The following PTPRK variants were observed in gnomAD, a reference collection of about 807,000 sequenced individuals.
PTPRK encodes receptor-type tyrosine-protein phosphatase kappa.
In PTPRK, 75 loss-of-function variants were observed where a neutral mutation model predicts 178.0. The observed-to-expected ratio is 0.42, with a 90% CI of 0.35 to 0.51. The LOEUF (loss-of-function observed/expected upper bound fraction) is 0.51, where lower values mean the gene tolerates loss of function less well. PTPRK is among the 20% of genes least tolerant of loss of function. PTPRK has a pLI of 0.02. For synonymous variants in PTPRK, 637 were observed against 620.6 expected (o/e 1.03, Z -0.39); for missense variants, 1,441 against 1,797.8 (o/e 0.80, Z 3.59).
At chr6:128,269,104 G>GCATA (rs1178894320) in intron 3 of PTPRK, among the ~76,000 whole-genome samples, 6 of 151,846 alleles carry the variant, frequency 4.0e-5, no homozygotes, top group Non-Finnish European at 7.4e-5. Context: ...ACAACACATA[G>GCATA]CATAAATCAA....
intron 13 of PTPRK, among the ~76,000 whole-genome samples, chr6:128,011,742 T>C (rs562675345): frequency 5.3e-5 from 8 of 151,230 alleles, no homozygotes; most frequent in Non-Finnish European, 8.9e-5. Context: ...GTAATATAGA[T>C]AGGTTAATGA....
At chr6:128,043,805 CT>C (rs34915940) in intron 13 of PTPRK, among the ~76,000 whole-genome samples, 3 of 150,578 alleles carry the variant, frequency 2.0e-5, no homozygotes, top group African/African-American at 7.3e-5. Context: ...TAGAAGAAAA[CT>C]TTTTTTTTAC....
intron 7 of PTPRK, among the ~76,000 whole-genome samples, chr6:128,113,124 C>T (rs1323102257): frequency 3.3e-5 from 5 of 152,052 alleles, no homozygotes; most frequent in Non-Finnish European, 5.9e-5. Flanking sequence ...CTAATCTCTT[C>T]GCCTCCAGTT....
intron 2 of PTPRK, among the ~76,000 whole-genome samples, chr6:128,377,199 CGTT>C (rs1028893092): frequency 1.3e-5 from 2 of 152,068 alleles, no homozygotes; most frequent in African/African-American, 4.8e-5. Context: ...ACGTACCTGA[CGTT>C]GGGTAATTTA....
chr6:128,222,532 C>G (rs544269946), intron 5 of PTPRK, among the ~76,000 whole-genome samples: 1 of 152,314 alleles, frequency 6.6e-6, no homozygotes, highest in South Asian at 2.1e-4. Flanking sequence ...TCAGTGATCC[C>G]CAACAGCCTC....
rs1388273637 is a variant in PTPRK at position 128,096,708 on chromosome 6, C to G, written c.1163-6716G>C. ...ACAGGAGCTTCGTGCTCCTGGCTGC[C>G]TTTTCATCAGAAATCTTAGAAGCTG... On this transcript the variant is annotated intron_variant, in intron 7 of 29. Transcript: ENST00000368226. Among the ~76,000 whole-genome samples, 7 of 152,134 alleles carry G rather than the reference C, an allele frequency of 4.6e-5. No homozygotes were observed. In the South Asian group the frequency reaches 8.3e-4, roughly 18 times the overall value.
chr6:128,257,580 C>T (rs1006645792), intron 3 of PTPRK, among the ~76,000 whole-genome samples: 1 of 152,068 alleles, frequency 6.6e-6, no homozygotes, highest in East Asian at 1.9e-4. Flanking sequence ...TATTAACATA[C>T]ATATTTATGG....
Position 127,992,707 on chromosome 6 carries a change from G to T in PTPRK, c.2847C>A (p.Gly949=). Reference sequence around the variant, plus strand: ...CAATGTAATGACTTGGTCTCTGGTAGCCCTAAAATAAGAGAACAAATTAGT... The same window carrying T: ...CAATGTAATGACTTGGTCTCTGGTATCCCTAAAATAAGAGAACAAATTAGT... The part of the protein sequence containing the change: ...SDYINANYID[G]YQRPSHYIAT... The change falls in exon 19 of 30, where the codon GGC becomes GGA. Residue 949 remains glycine (G), a splice_region_variant and synonymous_variant. Coordinates refer to ENST00000368226, the MANE Select transcript of PTPRK (RefSeq NM_002844.4). 1 of 1,575,490 alleles carries T rather than the reference G, an allele frequency of 6.3e-7. No homozygotes were observed. The highest frequency in any genetic ancestry group is 1.2e-5 in the South Asian group (1 of 82,810).
chr6:128,321,464 T>A (rs981997521), intron 3 of PTPRK: 1 of 255,290 alleles, frequency 3.9e-6, no homozygotes, highest in East Asian at 1.2e-4. Context: ...GAAACAAACA[T>A]CCAAAGCTTT....
At chr6:128,241,326 G>A (rs1229897143) in intron 4 of PTPRK, 1 of 532,700 alleles carries the variant, frequency 1.9e-6, no homozygotes, top group African/African-American at 1.9e-5. Flanking sequence ...AGCTGCACTG[G>A]AATCAGAAAT....
chr6:128,001,174 G>C (rs763364530), intron 15 of PTPRK: 1 of 1,508,408 alleles, frequency 6.6e-7, no homozygotes, highest in Non-Finnish European at 8.9e-7. Flanking sequence ...AGGTTTTCTA[G>C]AGTTCTTTGC....
chr6:128,024,073 A>G (rs975068586), intron 13 of PTPRK, among the ~76,000 whole-genome samples: 1 of 152,200 alleles, frequency 6.6e-6, no homozygotes, highest in Non-Finnish European at 1.5e-5. Context: ...CCAAACAGGC[A>G]TTTAACATAC....
intron 7 of PTPRK, among the ~76,000 whole-genome samples, chr6:128,092,738 C>A (rs1787204375): frequency 6.6e-6 from 1 of 152,070 alleles, no homozygotes; most frequent in Admixed American, 6.5e-5. Context: ...AAAATCCATT[C>A]AAAGAAATTT....
At chr6:128,352,668 C>G (rs1833356794) in intron 2 of PTPRK, among the ~76,000 whole-genome samples, 1 of 152,198 alleles carries the variant, frequency 6.6e-6, no homozygotes. Context: ...TCCCCTCTGT[C>G]TCTGCCTGGA....
chr6:128,352,462 C>T (rs1253756774), intron 2 of PTPRK, among the ~76,000 whole-genome samples: 1 of 151,914 alleles, frequency 6.6e-6, no homozygotes, highest in African/African-American at 2.4e-5. Context: ...TCTTCCTTGG[C>T]CCTAGTATAA....
intron 1 of PTPRK, among the ~76,000 whole-genome samples, chr6:128,432,548 G>A (rs185375540): frequency 2.7e-4 from 41 of 152,302 alleles, no homozygotes; most frequent in Non-Finnish European, 4.9e-4. Flanking sequence ...CAGCTCTGAT[G>A]TGAATCATAC....
At chr6:128,070,196 T>C (rs9321110) in intron 11 of PTPRK, among the ~76,000 whole-genome samples, 114,344 of 151,870 alleles carry the variant, frequency 0.75, 45,477 homozygotes, top group South Asian at 0.97. Context: ...TGAAGTATTA[T>C]ATTTCTGTTA....
intron 6 of PTPRK, among the ~76,000 whole-genome samples, chr6:128,205,830 G>GGA (rs1806859781): frequency 6.8e-6 from 1 of 146,360 alleles, no homozygotes; most frequent in South Asian, 2.2e-4. Flanking sequence ...TATAAGAGTG[G>GGA]GAGAAAATGT....
At chr6:128,057,977 T>G (rs1399974016) in intron 13 of PTPRK, among the ~76,000 whole-genome samples, 1 of 152,238 alleles carries the variant, frequency 6.6e-6, no homozygotes, top group Non-Finnish European at 1.5e-5. Flanking sequence ...TGGTTATACT[T>G]ATGTATATTA....
Sources: allele counts gnomAD v4.1 joint callset (sites outside exome capture counted in the v4.1 genomes callset), GRCh38; gene constraint gnomAD v4.1.1; transcripts MANE v1.5; gene names NCBI Gene and HGNC (gene_info 2026-07-23, HGNC 2026-07-21).